BLK: variants seen among roughly 807,000 people sequenced by gnomAD.
BLK encodes BLK proto-oncogene, Src family tyrosine kinase.
BLK carries 64 observed loss-of-function variants against 61.8 expected under a neutral mutation model. The observed-to-expected ratio is 1.03, with a 90% confidence interval of 0.85 to 1.27. BLK has a LOEUF of 1.27. Among genes scored for constraint, BLK ranks in the 50% most tolerant of loss-of-function variants. The pLI is 0.00. For missense variants in BLK, 853 were observed against 660.5 expected (o/e 1.29, Z -3.19); for synonymous variants, 351 against 272.0 (o/e 1.29, Z -2.86).
chr8:11,554,311 T>A, intron 6 of BLK: 1 of 254,444 alleles, frequency 3.9e-6, no homozygotes, highest in Non-Finnish European at 7.7e-6. Context: ...TACTTGCAGC[T>A]GTGAATGGCT....
rs1413893918 is a variant in BLK, at chr8:11,564,465, G to C, written c.*357G>C. 1 of 544,078 alleles carries C rather than the reference G, an allele frequency of 1.8e-6. No homozygotes were observed. The highest frequency in any genetic ancestry group is 2.2e-5 in the Admixed American group (1 of 44,900). 33.7% of individuals were successfully genotyped at this position (544,078 alleles called of 1,614,324 possible). On this transcript the variant is annotated 3_prime_UTR_variant, in exon 13 of 13. Transcript: ENST00000259089. ...CCGTGCTGGCCGCGTCCCCGCCTCT[G>C]CGCCCTGCGTGGACCCCGCCCTGCC...
intron 1 of BLK, among the ~76,000 whole-genome samples, chr8:11,530,467 G>A (rs1799840166): frequency 6.6e-6 from 1 of 152,184 alleles, no homozygotes; most frequent in East Asian, 1.9e-4. Context: ...TTCAGTCAAA[G>A]CCTTGGTAAA....
intron 1 of BLK, among the ~76,000 whole-genome samples, chr8:11,501,280 G>A (rs868047642): frequency 4.6e-5 from 7 of 151,730 alleles, no homozygotes; most frequent in African/African-American, 1.2e-4. Flanking sequence ...TATTACACAC[G>A]AAAATAGGGT....
In BLK at chr8:11,543,228, G is replaced by C. The variant is rs1483005905; in HGVS notation, c.4G>C (p.Gly2Arg). The C allele has an allele frequency of 3.1e-6, 5 of 1,613,790 alleles. No homozygotes were observed. The Admixed American group carries it at 8.3e-5, about 27-fold the overall frequency. M[G>R]LVSSKKPDKE... ...TCTGCTGTGTGTCTCCGACAGGATG[G>C]GGCTGGTAAGTAGCAAAAAGCCGGA... is the stretch of plus-strand genomic sequence containing the variant. The change falls in exon 2 of 13, where the codon GGG becomes CGG. Residue 2 changes from glycine to arginine, a missense_variant. Gly to Arg is a moderately radical substitution (Grantham distance 125). Coordinates refer to ENST00000259089, the MANE Select transcript of BLK (RefSeq NM_001715.3).
intron 6 of BLK, among the ~76,000 whole-genome samples, chr8:11,550,509 C>A (rs1800852583): frequency 6.6e-6 from 1 of 152,274 alleles, no homozygotes; most frequent in Non-Finnish European, 1.5e-5. Context: ...GGTCCCACGC[C>A]AGACTGGCCC....
chr8:11,552,984 A>G (rs1457435931), intron 6 of BLK: 1 of 156,428 alleles, frequency 6.4e-6, no homozygotes, highest in Non-Finnish European at 1.4e-5. Context: ...ACACATACAC[A>G]TGCAAACACA....
Position 11,558,050 on chromosome 8 carries a change from A to C in BLK, c.1029+12A>C. On this transcript the variant is annotated intron_variant, in intron 10 of 12. Transcript: ENST00000259089. ...ACATGTCGGCGCAGGTTGGTGAAGTACCAGGTGCAGAGAAAGGGCGGCATG... is the reference window on the plus strand; with the variant it reads ...ACATGTCGGCGCAGGTTGGTGAAGTCCCAGGTGCAGAGAAAGGGCGGCATG... The C allele has an allele frequency of 1.2e-6, 2 of 1,613,814 alleles. No individual in the cohort carries two copies. The highest frequency in any genetic ancestry group is 4.5e-5 in the East Asian group (2 of 44,866).
chr8:11,555,210 C>T, intron 7 of BLK, 122 bp from the exon 8 acceptor site: 2 of 1,337,964 alleles, frequency 1.5e-6, no homozygotes, highest in East Asian at 2.3e-5. Context: ...GGCGTGTGCA[C>T]ACACCCATGC....
Position 11,496,830 on chromosome 8 carries a change from A to C in BLK, c.-2+2239A>C, listed in dbSNP as rs904037535. Among the ~76,000 whole-genome samples, 51 of 152,336 alleles carry C rather than the reference A, an allele frequency of 3.3e-4. 1 individual carries two copies. Among genetic ancestry groups the C allele is most frequent in the Non-Finnish European group, 5.9e-5 (4 of 68,026 alleles). ...GCCAAGTGGCTGTGAGCTGGGCTCG[A>C]CAGCCCTTCCTCGAGAGTAAACTGT... On this transcript the variant is annotated intron_variant, in intron 1 of 12. Coordinates refer to ENST00000259089, the MANE Select transcript of BLK (RefSeq NM_001715.3).
chr8:11,503,260 C>T (rs1798636217), intron 1 of BLK, among the ~76,000 whole-genome samples: 1 of 152,236 alleles, frequency 6.6e-6, no homozygotes, highest in African/African-American at 2.4e-5. Flanking sequence ...CTGGTTCTGA[C>T]CTTCTAGCCC....
At chr8:11,520,199 A>G (rs957702737) in intron 1 of BLK, among the ~76,000 whole-genome samples, 4 of 152,182 alleles carry the variant, frequency 2.6e-5, no homozygotes, top group Non-Finnish European at 5.9e-5. Flanking sequence ...CCACATAGCC[A>G]GGCACGGTGG....
chr8:11,546,009 C>T (rs771847711), intron 2 of BLK, 43 bp from the exon 3 acceptor site: 2 of 1,604,674 alleles, frequency 1.2e-6, no homozygotes, highest in Non-Finnish European at 1.7e-6. Context: ...CCCACCCACG[C>T]AGCAGGGACT....
At chr8:11,545,574 A>G (rs943287902) in intron 2 of BLK, among the ~76,000 whole-genome samples, 1 of 152,138 alleles carries the variant, frequency 6.6e-6, no homozygotes, top group South Asian at 2.1e-4. Context: ...ATGTATTATG[A>G]TTTTTGCTAG....
At chr8:11,519,061 C>G (rs1473114776) in intron 1 of BLK, among the ~76,000 whole-genome samples, 5 of 152,208 alleles carry the variant, frequency 3.3e-5, no homozygotes, top group Admixed American at 2.0e-4. Flanking sequence ...GTTTACTTTG[C>G]TAGTCTGCCA....
At chr8:11,541,204 G>A (rs1800362609) in intron 1 of BLK, among the ~76,000 whole-genome samples, 3 of 152,126 alleles carry the variant, frequency 2.0e-5, no homozygotes, top group Admixed American at 2.0e-4. Context: ...GGAGGCAGAG[G>A]TTGCAGTGAG....
intron 1 of BLK, among the ~76,000 whole-genome samples, chr8:11,529,595 A>G (rs1216530650): frequency 6.6e-6 from 1 of 152,208 alleles, no homozygotes; most frequent in Non-Finnish European, 1.5e-5. Context: ...TGACTCCTAA[A>G]TCATAATTTC....
intron 5 of BLK, chr8:11,549,933 T>C: frequency 1.7e-6 from 1 of 579,606 alleles, no homozygotes; most frequent in Non-Finnish European, 3.1e-6. Context: ...TGTTTCGTTC[T>C]AGGAAAACAG....
intron 2 of BLK, 43 bp downstream of exon 2, chr8:11,543,390 C>G (rs752011862): frequency 3.7e-6 from 6 of 1,608,018 alleles, no homozygotes; most frequent in African/African-American, 1.3e-5. Context: ...TTACTTACTT[C>G]TCCTATGCCT....
chr8:11,539,149 G>T (rs1284927012), intron 1 of BLK, among the ~76,000 whole-genome samples: 3 of 151,706 alleles, frequency 2.0e-5, no homozygotes, highest in Non-Finnish European at 2.9e-5. Context: ...AATAACCACA[G>T]TAAACAACTT....
Sources: gnomAD v4.1 joint callset for allele counts (sites outside exome capture counted in the v4.1 genomes callset) on GRCh38, gnomAD v4.1.1 for gene constraint, MANE v1.5 for transcripts, NCBI Gene and HGNC (gene_info 2026-07-23, HGNC 2026-07-21) for gene names.